ING3: variants seen among roughly 807,000 people sequenced by gnomAD.
ING3 encodes the protein inhibitor of growth family member 3, also known as inhibitor of growth protein 3.
Under a neutral mutation model 64.8 loss-of-function variants are expected in ING3, and 6 were observed. The ratio of observed to expected loss-of-function variants is 0.09; its 90% confidence interval spans 0.05 to 0.18. The LOEUF (loss-of-function observed/expected upper bound fraction) is 0.18. Among genes scored for constraint, ING3 ranks in the 10% least tolerant of loss-of-function variants. ING3 has a pLI of 1.00. For synonymous variants in ING3, 170 were observed against 173.7 expected (o/e 0.98, Z 0.17); for missense variants, 310 against 489.7 (o/e 0.63, Z 3.46).
At chr7:120,963,254 A>G (rs76474496) in intron 4 of ING3, among the ~76,000 whole-genome samples, 2,578 of 152,236 alleles carry the variant, frequency 0.017, 37 homozygotes, top group Non-Finnish European at 0.024. Flanking sequence ...ATGTGATGTT[A>G]TAGGTTTTTA....
At chr7:120,967,461 A>G (rs1796010815) in intron 6 of ING3, 68 bp from the exon 7 acceptor site, 3 of 1,142,544 alleles carry the variant, frequency 2.6e-6, no homozygotes, top group South Asian at 1.8e-5. Context: ...TTAACTGGAT[A>G]TAAGTATTAT....
intron 9 of ING3, 111 bp downstream of exon 9, chr7:120,969,315 C>A: frequency 2.8e-6 from 2 of 704,390 alleles, no homozygotes; most frequent in African/African-American, 1.8e-5. Context: ...TTAAAATTAA[C>A]CTTGCAGAGG....
At chr7:120,964,890 C>T (rs756952514) in intron 5 of ING3, 52 bp downstream of exon 5, 6 of 1,408,016 alleles carry the variant, frequency 4.3e-6, no homozygotes, top group Admixed American at 3.4e-5. Flanking sequence ...ATGTGCAAAT[C>T]GCTGAGAAGA....
chr7:120,964,184 A>G (rs1427219405), intron 4 of ING3, among the ~76,000 whole-genome samples: 2 of 152,142 alleles, frequency 1.3e-5, no homozygotes, highest in Non-Finnish European at 2.9e-5. Flanking sequence ...CTGGCTAACA[A>G]TCCCTTTTGT....
chr7:120,976,740 C>T lies in ING3; in HGVS notation c.*1896C>T, dbSNP rs1024909244. 1 of 152,178 alleles carries T rather than the reference C, an allele frequency of 6.6e-6. No individual in the cohort carries two copies. The highest frequency in any genetic ancestry group is 6.6e-5 in the Admixed American group (1 of 15,262). The allele number at this position is 152,178 out of a possible 1,614,324, so 9.4% of individuals were successfully genotyped here. A position where few individuals can be genotyped will look rare whatever the true frequency, so the allele number is the denominator to read the frequency against. ...AGTTCTTTGTCTGAGTCAGGAACAT[C>T]CTGTTATCCAGCTGCTACATCCCCT... On this transcript the variant is annotated 3_prime_UTR_variant, in exon 12 of 12. Transcript: ENST00000315870.
chr7:120,953,177 C>A, intron 2 of ING3, 127 bp from the exon 3 acceptor site: 1 of 529,950 alleles, frequency 1.9e-6, no homozygotes, highest in South Asian at 2.8e-5. Context: ...CAAAGCATAA[C>A]ATATTTAAGT....
At chr7:120,952,317 G>A (rs1795778893) in intron 2 of ING3, among the ~76,000 whole-genome samples, 1 of 152,096 alleles carries the variant, frequency 6.6e-6, no homozygotes, top group Admixed American at 6.6e-5. Flanking sequence ...CACTTGTGAG[G>A]GGCTTACATT....
At chr7:120,956,231 T>C (rs1795845205) in intron 4 of ING3, 2 of 1,583,522 alleles carry the variant, frequency 1.3e-6, no homozygotes, top group East Asian at 4.5e-5. Context: ...TTGATGCAAT[T>C]GTGGTGCTCT....
intron 8 of ING3, among the ~76,000 whole-genome samples, chr7:120,968,670 C>T (rs1026033565): frequency 2.0e-5 from 3 of 151,864 alleles, no homozygotes; most frequent in African/African-American, 7.3e-5. Context: ...CATGGTGAAA[C>T]TCCATTTCTA....
chr7:120,952,501 A>G (rs547263178), intron 2 of ING3, among the ~76,000 whole-genome samples: 10 of 152,320 alleles, frequency 6.6e-5, no homozygotes, highest in Non-Finnish European at 1.3e-4. Flanking sequence ...TATACATATT[A>G]CAGGCTTTTT....
Position 120,953,395 on chromosome 7 carries a change from C to T in ING3, c.192C>T (p.Ser64=). Residue 64 remains serine, a synonymous_variant, in exon 3 of 12, where the codon TCC becomes TCT. Transcript: ENST00000315870. The part of the protein sequence containing the change: ...KPEWREEQMA[S]IKKDYYKALE... ...AGTGGAGGGAAGAGCAAATGGCATC[C>T]ATCAAAAAAGTATGTGCAACACTTT... 6.3e-7 allele frequency: 1 copy of T among 1,590,842 alleles called. No individual in the cohort carries two copies. Among genetic ancestry groups the T allele is most frequent in the Non-Finnish European group, 8.6e-7 (1 of 1,164,920 alleles).
At chr7:120,958,276 C>G (rs1795881506) in intron 4 of ING3, among the ~76,000 whole-genome samples, 1 of 151,712 alleles carries the variant, frequency 6.6e-6, no homozygotes, top group Admixed American at 6.6e-5. Context: ...TTCAGGTGAA[C>G]ATTATATCCT....
intron 11 of ING3, among the ~76,000 whole-genome samples, chr7:120,973,987 G>A (rs1446809861): frequency 6.6e-6 from 1 of 152,156 alleles, no homozygotes; most frequent in African/African-American, 2.4e-5. Context: ...ACATGCTCAC[G>A]TAGATTGGGA....
intron 4 of ING3, chr7:120,956,056 A>G: frequency 1.3e-6 from 1 of 773,616 alleles, no homozygotes. Context: ...AATCATTTGA[A>G]TCAGTGTTTA....
chr7:120,963,768 G>A (rs1425825348), intron 4 of ING3, among the ~76,000 whole-genome samples: 2 of 152,070 alleles, frequency 1.3e-5, no homozygotes, highest in Non-Finnish European at 2.9e-5. Flanking sequence ...CCTCATGTTA[G>A]TTACACATTA....
At chr7:120,968,182 T>C (rs1796021945) in intron 8 of ING3, 91 bp downstream of exon 8, 8 of 1,131,020 alleles carry the variant, frequency 7.1e-6, no homozygotes, top group Non-Finnish European at 1.0e-5. Flanking sequence ...ACAAATAGTT[T>C]TCTAACGTTG....
chr7:120,956,587 G>T, intron 4 of ING3: 1 of 990,224 alleles, frequency 1.0e-6, no homozygotes, highest in South Asian at 4.6e-5. Context: ...TAACAACCTG[G>T]GCTCTTTTGT....
chr7:120,967,756 G>A, intron 7 of ING3, 108 bp downstream of exon 7: 1 of 1,304,946 alleles, frequency 7.7e-7, no homozygotes, highest in Non-Finnish European at 1.1e-6. Context: ...CCTGGTTAAA[G>A]TATACATATG....
At position 120,950,934 on chromosome 7, in the gene ING3, C is replaced by G; in HGVS notation, c.28+10C>G. 6.3e-7 allele frequency: 1 copy of G among 1,589,152 alleles called. No individual in the cohort carries two copies. Among genetic ancestry groups the G allele is most frequent in the Non-Finnish European group, 8.6e-7 (1 of 1,165,726 alleles). On this transcript the variant is annotated intron_variant, in intron 1 of 11. Coordinates refer to ENST00000315870, the MANE Select transcript of ING3 (RefSeq NM_019071.3). ...GAAGACTATCTGGAAAGTGAGTGCG[C>G]GGCGCTGGCGGCGGCCGCCAGTGGG... is the stretch of plus-strand genomic sequence containing the variant.
Sources: gnomAD v4.1 joint callset for allele counts (sites outside exome capture counted in the v4.1 genomes callset) on GRCh38, gnomAD v4.1.1 for gene constraint, MANE v1.5 for transcripts, NCBI Gene and HGNC (gene_info 2026-07-23, HGNC 2026-07-21) for gene names.